The following ARHGAP24 variants were observed in gnomAD, a reference collection of about 807,000 sequenced individuals.
ARHGAP24 encodes Rho GTPase activating protein 24, also known as rho GTPase-activating protein 24.
In ARHGAP24, 50 loss-of-function variants were observed where a neutral mutation model predicts 76.4. The ratio of observed to expected loss-of-function variants is 0.65; its 90% CI spans 0.52 to 0.83. The LOEUF is 0.83. Ranked by LOEUF, ARHGAP24 falls within the 40% of genes least tolerant of loss-of-function variation. The probability of loss-of-function intolerance (pLI) is 0.00; values close to 1 mark genes in which losing one functional copy is unlikely to be tolerated. For synonymous variants in ARHGAP24, 345 were observed against 323.3 expected, an observed-to-expected ratio of 1.07 and a Z score of -0.72; for missense variants, 930 against 914.2, an observed-to-expected ratio of 1.02 and a Z score of -0.22.
At chr4:85,958,901 A>T (rs1738077724) in intron 5 of ARHGAP24, among the ~76,000 whole-genome samples, 1 of 152,202 alleles carries the variant, frequency 6.6e-6, no homozygotes, top group African/African-American at 2.4e-5. Context: ...AAATTCTTAT[A>T]AATGGAATCA....
chr4:85,595,963 G>C (rs941779314), intron 2 of ARHGAP24, among the ~76,000 whole-genome samples: 4 of 151,962 alleles, frequency 2.6e-5, no homozygotes, highest in African/African-American at 9.7e-5. Context: ...AACTGACTCT[G>C]CTCCAATCTC....
At chr4:85,797,435 A>C (rs1728404002) in intron 3 of ARHGAP24, among the ~76,000 whole-genome samples, 2 of 152,188 alleles carry the variant, frequency 1.3e-5, no homozygotes, top group African/African-American at 2.4e-5. Context: ...GGCCTCCCAA[A>C]GTGCTGGGAT....
rs372060243 is a variant in ARHGAP24 at position 85,914,901 on chromosome 4, T to C, written c.269-8747T>C. Among the ~76,000 whole-genome samples, 5 of 152,340 alleles carry C rather than the reference T, an allele frequency of 3.3e-5. No individual in the cohort carries two copies. The East Asian group carries it at 9.6e-4, about 29-fold the overall frequency. On this transcript the variant is annotated intron_variant, in intron 3 of 9. Transcript: ENST00000395184. ...TGGTGGAGGAACACTGATCTGAACA[T>C]AAATACCATCTCTCATAGCAGCCTT...
At chr4:85,976,841 G>A (rs993867753) in intron 7 of ARHGAP24, among the ~76,000 whole-genome samples, 1 of 147,222 alleles carries the variant, frequency 6.8e-6, no homozygotes, top group East Asian at 2.0e-4. Flanking sequence ...GGAGTGCAGT[G>A]GTGCAATCTT....
intron 3 of ARHGAP24, among the ~76,000 whole-genome samples, chr4:85,762,821 A>G (rs1369290055): frequency 2.0e-5 from 3 of 152,210 alleles, no homozygotes; most frequent in African/African-American, 4.8e-5. Context: ...TACTCTATAC[A>G]GTTGGTTTAA....
intron 2 of ARHGAP24, among the ~76,000 whole-genome samples, chr4:85,630,172 C>T (rs1245378741): frequency 6.6e-6 from 1 of 152,090 alleles, no homozygotes; most frequent in Non-Finnish European, 1.5e-5. Flanking sequence ...TTGGAGTTTT[C>T]AGCTATAGAA....
intron 1 of ARHGAP24, among the ~76,000 whole-genome samples, chr4:85,516,323 T>TA (rs1214030041): frequency 6.6e-6 from 1 of 152,234 alleles, no homozygotes. Flanking sequence ...TACTTGTTTT[T>TA]ATCAATATTT....
chr4:85,879,271 T>C (rs1733105547), intron 3 of ARHGAP24, among the ~76,000 whole-genome samples: 1 of 152,196 alleles, frequency 6.6e-6, no homozygotes, highest in Admixed American at 6.5e-5. Flanking sequence ...ACTCTGGTGA[T>C]TTTTTCCATT....
Position 85,782,876 on chromosome 4 carries a change from T to C in ARHGAP24, c.268+60904T>C, listed in dbSNP as rs572016087. Reference sequence around the variant, plus strand: ...TACATCTTAATCATGAAATAAATGTTTGTTGAATGACTATTACTTTCAAAC... The same window carrying C: ...TACATCTTAATCATGAAATAAATGTCTGTTGAATGACTATTACTTTCAAAC... On this transcript the variant is annotated intron_variant, in intron 3 of 9. Transcript: ENST00000395184. Among the ~76,000 whole-genome samples, 7 of 151,498 alleles carry C rather than the reference T, an allele frequency of 4.6e-5. No homozygotes were observed. In the South Asian group the frequency reaches 1.3e-3, roughly 27 times the overall value.
intron 8 of ARHGAP24, among the ~76,000 whole-genome samples, chr4:85,985,046 T>C (rs1396047639): frequency 6.6e-6 from 1 of 152,140 alleles, no homozygotes; most frequent in Non-Finnish European, 1.5e-5. Context: ...GGTCTCAAAC[T>C]CCTGACCTCA....
intron 9 of ARHGAP24, among the ~76,000 whole-genome samples, chr4:85,998,650 A>G (rs2148874953): frequency 6.6e-6 from 1 of 152,090 alleles, no homozygotes; most frequent in East Asian, 1.9e-4. Flanking sequence ...TATAATTATC[A>G]TTTTTGAGGC....
intron 8 of ARHGAP24, among the ~76,000 whole-genome samples, chr4:85,982,362 T>C (rs1015659553): frequency 6.6e-6 from 1 of 151,198 alleles, no homozygotes; most frequent in African/African-American, 2.5e-5. Context: ...GGTGCACAAG[T>C]AGATAAGTTG....
At chr4:85,777,725 C>T (rs1009618392) in intron 3 of ARHGAP24, among the ~76,000 whole-genome samples, 2 of 151,900 alleles carry the variant, frequency 1.3e-5, no homozygotes, top group African/African-American at 2.4e-5. Flanking sequence ...CACTATTTCA[C>T]GTGGGAGGGA....
At chr4:85,694,957 TA>T (rs1723815678) in intron 2 of ARHGAP24, among the ~76,000 whole-genome samples, 1 of 152,202 alleles carries the variant, frequency 6.6e-6, no homozygotes, top group South Asian at 2.1e-4. Context: ...TGGTAATAAT[TA>T]AATGCAAGTG....
chr4:85,881,416 T>A (rs555316015), intron 3 of ARHGAP24, among the ~76,000 whole-genome samples: 154 of 152,206 alleles, frequency 1.0e-3, no homozygotes, highest in South Asian at 2.7e-3. Context: ...CATTATTTTT[T>A]AAAAAGATAC....
At chr4:85,568,464 G>T (rs1726936627) in intron 1 of ARHGAP24, among the ~76,000 whole-genome samples, 2 of 152,154 alleles carry the variant, frequency 1.3e-5, no homozygotes, top group South Asian at 2.1e-4. Context: ...AGATGAAAAA[G>T]ATTATTTAGG....
chr4:85,919,009 A>G (rs1735572336), intron 3 of ARHGAP24, among the ~76,000 whole-genome samples: 1 of 152,212 alleles, frequency 6.6e-6, no homozygotes, highest in Non-Finnish European at 1.5e-5. Context: ...GCAGAAATGA[A>G]GAAAGTAGAA....
rs538649158 is a variant in ARHGAP24 at position 85,982,439 on chromosome 4, T to A, written c.928+4748T>A. Among the ~76,000 whole-genome samples the A allele has an allele frequency of 7.9e-5, 12 of 151,728 alleles. No individual in the cohort carries two copies. In the South Asian group the frequency reaches 2.3e-3, roughly 29 times the overall value. ...TGGAGAAGCAAAATAATCCCATCTG[T>A]TATCATAATTTGTTGGGGGTCACGG... On this transcript the variant is annotated intron_variant, in intron 8 of 9. Transcript: ENST00000395184.
intron 5 of ARHGAP24, among the ~76,000 whole-genome samples, chr4:85,943,089 A>G (rs924653000): frequency 2.6e-5 from 4 of 152,170 alleles, no homozygotes; most frequent in East Asian, 3.8e-4. Context: ...ATATTGTTAG[A>G]CATTTACATT....
Sources: allele counts gnomAD v4.1 joint callset (sites outside exome capture counted in the v4.1 genomes callset), GRCh38; gene constraint gnomAD v4.1.1; transcripts MANE v1.5; gene names NCBI Gene and HGNC (gene_info 2026-07-23, HGNC 2026-07-21).